The following GALNT2 variants were observed in gnomAD, a reference collection of about 807,000 sequenced individuals.
GALNT2 encodes UDP-GalNAc:polypeptide N-acetylgalactosaminyltransferase 2.
A neutral mutation model predicts 81.4 loss-of-function variants in GALNT2; 31 were observed. The observed-to-expected ratio is 0.38, with a 90% CI of 0.29 to 0.51. The LOEUF (loss-of-function observed/expected upper bound fraction) is 0.51, where lower values mean the gene tolerates loss of function less well. Ranked by LOEUF, GALNT2 falls within the 20% of genes least tolerant of loss-of-function variation. The probability of loss-of-function intolerance (pLI) is 0.87; values close to 1 mark genes in which losing one functional copy is unlikely to be tolerated. For synonymous variants in GALNT2, 303 were observed against 287.4 expected (o/e 1.05, Z -0.55); for missense variants, 629 against 765.7 (o/e 0.82, Z 2.11).
intron 14 of GALNT2, among the ~76,000 whole-genome samples, chr1:230,269,801 A>G (rs998446945): frequency 6.6e-6 from 1 of 151,688 alleles, no homozygotes; most frequent in East Asian, 1.9e-4. Flanking sequence ...GGAGGCTGAG[A>G]TGGGAGGATT....
chr1:230,096,010 C>G (rs146520408), intron 1 of GALNT2, among the ~76,000 whole-genome samples: 2 of 152,208 alleles, frequency 1.3e-5, no homozygotes, highest in African/African-American at 4.8e-5. Context: ...GAATGGCACC[C>G]GGAACTCCTG....
chr1:230,250,429 C>T (rs772989944), intron 9 of GALNT2, 28 bp from the exon 10 acceptor site: 2 of 1,578,822 alleles, frequency 1.3e-6, no homozygotes, highest in East Asian at 4.5e-5. Context: ...CCTCTCCTCC[C>T]TCCCCCCTCT....
chr1:230,058,747 A>G (rs1658977235), intron 1 of GALNT2, among the ~76,000 whole-genome samples: 1 of 152,220 alleles, frequency 6.6e-6, no homozygotes, highest in African/African-American at 2.4e-5. Context: ...AATTCAAGCC[A>G]AGCAATTTCT....
At chr1:230,091,461 C>G (rs12029443) in intron 1 of GALNT2, 24,542 of 152,182 alleles carry the variant, frequency 0.16, 2,516 homozygotes, top group East Asian at 0.4. Flanking sequence ...TCTGAGGAAT[C>G]TTGATGCATC....
chr1:230,094,084 A>G (rs1660172827), intron 1 of GALNT2, among the ~76,000 whole-genome samples: 1 of 151,494 alleles, frequency 6.6e-6, no homozygotes, highest in Non-Finnish European at 1.5e-5. Context: ...TGCAACCTCG[A>G]TCTCCTGGGC....
At chr1:230,113,954 C>T (rs960565100) in intron 1 of GALNT2, among the ~76,000 whole-genome samples, 3 of 151,740 alleles carry the variant, frequency 2.0e-5, no homozygotes, top group African/African-American at 7.3e-5. Flanking sequence ...GCATCTGACT[C>T]ACGGGGTGAG....
intron 7 of GALNT2, among the ~76,000 whole-genome samples, chr1:230,245,622 A>T (rs145999100): frequency 5.4e-4 from 82 of 152,356 alleles, no homozygotes; most frequent in African/African-American, 1.9e-3. Flanking sequence ...ATAGAAATAT[A>T]TTCCTAATTT....
chr1:230,133,755 T>G (rs1028344033), intron 1 of GALNT2, among the ~76,000 whole-genome samples: 1 of 152,166 alleles, frequency 6.6e-6, no homozygotes, highest in African/African-American at 2.4e-5. Context: ...CACCTGGCCT[T>G]AATTTTGATT....
At position 230,070,569 on chromosome 1, in the gene GALNT2, G is replaced by A. The variant is rs1659342122; in HGVS notation, c.126+3163G>A. Reference sequence around the variant, plus strand: ...CGGTGTTAGTTGAGGGACATGATCCGGAGCCCTGGGAGCCTGTCCACTTTG... The same window carrying A: ...CGGTGTTAGTTGAGGGACATGATCCAGAGCCCTGGGAGCCTGTCCACTTTG... On this transcript the variant is annotated intron_variant, in intron 1 of 15. Transcript: ENST00000366672. This position sits in a 1 kb window ranked among gnomAD's most constrained non-coding sequence, Gnocchi z 4.7. Among the ~76,000 whole-genome samples the A allele has an allele frequency of 6.6e-6, 1 of 152,286 alleles. No individual in the cohort carries two copies.
intron 1 of GALNT2, among the ~76,000 whole-genome samples, chr1:230,117,481 G>A (rs886572589): frequency 7.2e-5 from 11 of 152,150 alleles, no homozygotes; most frequent in South Asian, 2.1e-4. Flanking sequence ...GAGATGTGCC[G>A]CTCCTCCTTT....
At chr1:230,095,227 G>C (rs1361806000) in intron 1 of GALNT2, among the ~76,000 whole-genome samples, 1 of 152,170 alleles carries the variant, frequency 6.6e-6, no homozygotes, top group African/African-American at 2.4e-5. Context: ...TGTGGCTTGG[G>C]TGGACTTCAG....
chr1:230,089,618 CTG>C (rs1387744186), intron 1 of GALNT2, among the ~76,000 whole-genome samples: 3 of 152,216 alleles, frequency 2.0e-5, no homozygotes, highest in African/African-American at 7.2e-5. Context: ...CCTTCTGTCT[CTG>C]TGAATTTGAC....
At chr1:230,076,206 T>C (rs1024975074) in intron 1 of GALNT2, among the ~76,000 whole-genome samples, 19 of 152,246 alleles carry the variant, frequency 1.2e-4, no homozygotes, top group African/African-American at 3.9e-4. Context: ...TTTAATTTGC[T>C]GATCAGCTTC....
chr1:230,175,737 A>T (rs1245403283), intron 1 of GALNT2, among the ~76,000 whole-genome samples: 3 of 147,202 alleles, frequency 2.0e-5, no homozygotes, highest in Admixed American at 2.0e-4. Context: ...GGTATTTAAG[A>T]TGATAATCTG....
intron 15 of GALNT2, among the ~76,000 whole-genome samples, chr1:230,276,812 C>T (rs544567680): frequency 6.6e-6 from 1 of 152,316 alleles, no homozygotes; most frequent in Admixed American, 6.5e-5. Context: ...ACCGCTTGGA[C>T]CCAAACCACC....
At chr1:230,098,925 C>G (rs945828237) in intron 1 of GALNT2, among the ~76,000 whole-genome samples, 1 of 152,110 alleles carries the variant, frequency 6.6e-6, no homozygotes, top group South Asian at 2.1e-4. Context: ...GGGTGATTGA[C>G]AAGAAATTCT....
chr1:230,243,572 T>TCTATCAAG lies in GALNT2; in HGVS notation c.729+145_729+146insCTATCAAG. On this transcript the variant is annotated intron_variant, in intron 7 of 15. Transcript: ENST00000366672. This position sits in a 1 kb window ranked among gnomAD's most constrained non-coding sequence, Gnocchi z 4.2. The stretch of plus-strand genomic sequence containing the variant: ...TGAGCTCGCCGTCTGCAGTTTTCCT[T>TCTATCAAG]GATAGAAGGAAAATGCCTTTGGGGC... 1 of 1,045,020 alleles carries TCTATCAAG rather than the reference T, an allele frequency of 9.6e-7. No individual in the cohort carries two copies. The highest frequency in any genetic ancestry group is 1.3e-6 in the Non-Finnish European group (1 of 761,556). 64.7% of individuals were successfully genotyped at this position (1,045,020 alleles called of 1,614,324 possible).
At chr1:230,059,968 T>C (rs571193101) in intron 1 of GALNT2, among the ~76,000 whole-genome samples, 3 of 152,218 alleles carry the variant, frequency 2.0e-5, no homozygotes, top group Non-Finnish European at 2.9e-5. Context: ...CTATTTACCA[T>C]AGTGTACCAT....
At chr1:230,122,591 T>C (rs2102802992) in intron 1 of GALNT2, among the ~76,000 whole-genome samples, 1 of 151,870 alleles carries the variant, frequency 6.6e-6, no homozygotes, top group Non-Finnish European at 1.5e-5. Context: ...TGGATCAGCG[T>C]GCAGGAATGC....
Sources: gnomAD v4.1 joint callset for allele counts (sites outside exome capture counted in the v4.1 genomes callset) on GRCh38, gnomAD v4.1.1 for gene constraint, Gnocchi (gnomAD v3.1) non-coding constraint, MANE v1.5 for transcripts, NCBI Gene and HGNC (gene_info 2026-07-23, HGNC 2026-07-21) for gene names.